ZFHX3: variants seen among roughly 807,000 people sequenced by gnomAD.
The protein encoded by ZFHX3 is zinc finger homeobox protein 3.
In ZFHX3, 42 loss-of-function variants were observed where a neutral mutation model predicts 279.1. The observed-to-expected ratio is 0.15, with a 90% CI of 0.12 to 0.19. The LOEUF is 0.19. Ranked by LOEUF, ZFHX3 falls within the 10% of genes least tolerant of loss-of-function variation. The pLI is 1.00. For missense variants in ZFHX3, 4,981 were observed against 4,754.0 expected (o/e 1.05, Z -1.40); for synonymous variants, 2,293 against 1,957.8 (o/e 1.17, Z -4.52).
At chr16:73,678,270 G>C (rs759230878) in intron 2 of ZFHX3, among the ~76,000 whole-genome samples, 1 of 152,112 alleles carries the variant, frequency 6.6e-6, no homozygotes, top group Non-Finnish European at 1.5e-5. Context: ...TCACACTGTA[G>C]AAGACCATTG....
At chr16:73,410,010 A>G (rs1022452267) in intron 3 of ZFHX3, among the ~76,000 whole-genome samples, 1 of 152,038 alleles carries the variant, frequency 6.6e-6, no homozygotes, top group African/African-American at 2.4e-5. Flanking sequence ...GCAGGTGGGA[A>G]GTGGGGATGG....
At position 73,473,365 on chromosome 16, in the gene ZFHX3, A is replaced by AC. The variant is rs1555519254; in HGVS notation, c.-1546-17108_-1546-17107insG. On this transcript the variant is annotated intron_variant, in intron 2 of 17. Coordinates refer to the ZFHX3 transcript ENST00000641206. Reference sequence around the variant, plus strand: ...AAAAAAAAAAAAAAAAAACAAAAAAAAAAAAAACAAAATAATAAGCTATGT... The same window carrying AC: ...AAAAAAAAAAAAAAAAAACAAAAAAACAAAAAAACAAAATAATAAGCTATGT... Among the ~76,000 whole-genome samples the AC allele has an allele frequency of 1.2e-3, 151 of 130,094 alleles. 3 individuals are homozygous for AC. The highest frequency in any genetic ancestry group is 1.5e-3 in the East Asian group (7 of 4,566). The allele number at this position is 130,094 out of a possible 152,430, so 85.3% of individuals were successfully genotyped here.
chr16:73,779,076 C>T (rs968551872), intron 1 of ZFHX3, among the ~76,000 whole-genome samples: 1 of 152,124 alleles, frequency 6.6e-6, no homozygotes, highest in Non-Finnish European at 1.5e-5. Context: ...AGATGGAAGC[C>T]CCACCAGATG....
At chr16:73,333,198 T>C (rs750827960) in intron 3 of ZFHX3, among the ~76,000 whole-genome samples, 1 of 152,104 alleles carries the variant, frequency 6.6e-6, no homozygotes, top group African/African-American at 2.4e-5. Context: ...CATAGATGGA[T>C]AGACACATAG....
chr16:73,166,435 C>T (rs1240155138), intron 5 of ZFHX3, among the ~76,000 whole-genome samples: 1 of 152,060 alleles, frequency 6.6e-6, no homozygotes, highest in East Asian at 1.9e-4. Context: ...TTGAACCTGG[C>T]AGGCATTTGG....
At chr16:72,896,442 A>G (rs2038901631) in intron 3 of ZFHX3, among the ~76,000 whole-genome samples, 1 of 152,132 alleles carries the variant, frequency 6.6e-6, no homozygotes, top group African/African-American at 2.4e-5. Context: ...AACCAGAGGC[A>G]CCTCGGATAA....
chr16:73,756,087 G>C (rs1437602036), intron 1 of ZFHX3, among the ~76,000 whole-genome samples: 1 of 152,188 alleles, frequency 6.6e-6, no homozygotes, highest in African/African-American at 2.4e-5. Context: ...GTAAGAGTCT[G>C]TGATGGCAGC....
chr16:73,784,718 G>A (rs1178359815), intron 1 of ZFHX3, among the ~76,000 whole-genome samples: 1 of 151,298 alleles, frequency 6.6e-6, no homozygotes, highest in Non-Finnish European at 1.5e-5. Context: ...CTGCACTCCA[G>A]CCTGGTGAAA....
At chr16:73,411,813 A>T (rs780120756) in intron 3 of ZFHX3, among the ~76,000 whole-genome samples, 2 of 151,500 alleles carry the variant, frequency 1.3e-5, no homozygotes. Context: ...CAGCATCCTT[A>T]CTCCTGTTGT....
chr16:72,950,621 C>T lies in ZFHX3; in HGVS notation c.3064G>A (p.Gly1022Ser), dbSNP rs778703804. ...TTGAGCCTCCACTCGTTGGCCTTGC[C>T]GCCCTCCTTGATGTGGGCCACCAGC... ...YQLVAHIKEG[G>S]KANEWRLKCV... is the part of the protein sequence containing the mutation. Residue 1022 changes from glycine to serine, a missense_variant, in exon 3 of 10, where the codon GGC (glycine) becomes AGC (serine). This residue lies in a region of ZFHX3 where 1,751 missense variants were observed against 1,770.0 expected (regional missense o/e 0.99). Coordinates refer to ENST00000268489, the MANE Select transcript of ZFHX3 (RefSeq NM_006885.4). 6.2e-6 allele frequency: 10 copies of T among 1,614,096 alleles called. No homozygotes were observed. The highest frequency in any genetic ancestry group is 3.3e-5 in the Admixed American group (2 of 60,014).
chr16:73,130,630 G>A (rs1966662866), intron 7 of ZFHX3, among the ~76,000 whole-genome samples: 1 of 152,156 alleles, frequency 6.6e-6, no homozygotes, highest in Non-Finnish European at 1.5e-5. Context: ...TTTTTAAGAT[G>A]GAGTCTTGCT....
chr16:73,489,158 G>A (rs915396674), intron 2 of ZFHX3, among the ~76,000 whole-genome samples: 2 of 152,126 alleles, frequency 1.3e-5, no homozygotes, highest in East Asian at 1.9e-4. Context: ...ATATTAATTA[G>A]GGAAAATGCC....
In ZFHX3 at chr16:73,003,960, C is replaced by G. The variant is rs1343338806; in HGVS notation, c.-49-43766G>C. Reference sequence around the variant, plus strand: ...GGGTATTTGCTTTTTTTTTTTTTTCCACTTAGTTCAAAAAAACAAAACAAA... The same window carrying G: ...GGGTATTTGCTTTTTTTTTTTTTTCGACTTAGTTCAAAAAAACAAAACAAA... On this transcript the variant is annotated intron_variant, in intron 1 of 9. Coordinates refer to ENST00000268489, the MANE Select transcript of ZFHX3 (RefSeq NM_006885.4). Among the ~76,000 whole-genome samples the G allele has an allele frequency of 3.5e-5, 5 of 142,012 alleles. No individual in the cohort carries two copies. The South Asian group carries it at 1.1e-3, about 32-fold the overall frequency. The allele number at this position is 142,012 out of a possible 152,430, so 93.2% of individuals were successfully genotyped here. A position where few individuals can be genotyped will look rare whatever the true frequency, so the allele number is the denominator to read the frequency against.
intron 1 of ZFHX3, among the ~76,000 whole-genome samples, chr16:73,690,636 T>C (rs557670296): frequency 1.3e-5 from 2 of 152,332 alleles, no homozygotes; most frequent in African/African-American, 4.8e-5. Flanking sequence ...GGCATGACCA[T>C]GCAACTTACT....
intron 4 of ZFHX3, among the ~76,000 whole-genome samples, chr16:73,297,558 G>T (rs963453556): frequency 6.6e-6 from 1 of 152,000 alleles, no homozygotes; most frequent in African/African-American, 2.4e-5. Flanking sequence ...AAAGGTAGAA[G>T]TAAGCCAAAT....
In ZFHX3 at chr16:73,288,697, G is replaced by A. The variant is rs546583763; in HGVS notation, c.-1194+29543C>T. ...TTGGACTGCTTCGTTTGAGGCTTCT[G>A]CAGCAGCTGCTGCCGCTCTACACAA... On this transcript the variant is annotated intron_variant, in intron 4 of 17. Coordinates refer to the ZFHX3 transcript ENST00000641206. 1.2e-4 allele frequency among the ~76,000 whole-genome samples: 18 copies of A among 151,872 alleles called. 1 individual carries two copies. Among genetic ancestry groups the A allele is most frequent in the Non-Finnish European group, 1.5e-4 (10 of 67,938 alleles).
intron 3 of ZFHX3, among the ~76,000 whole-genome samples, chr16:72,892,784 T>C (rs760237883): frequency 3.3e-5 from 5 of 152,190 alleles, no homozygotes; most frequent in African/African-American, 7.2e-5. Flanking sequence ...GCTGGGATTA[T>C]AGGCGTGAGC....
At chr16:73,743,219 C>A (rs905470517) in intron 1 of ZFHX3, among the ~76,000 whole-genome samples, 4 of 152,178 alleles carry the variant, frequency 2.6e-5, no homozygotes, top group Non-Finnish European at 4.4e-5. Context: ...CTCTTGCTTG[C>A]AAATACGACC....
At chr16:73,166,521 A>G (rs1031166236) in intron 5 of ZFHX3, among the ~76,000 whole-genome samples, 1 of 152,068 alleles carries the variant, frequency 6.6e-6, no homozygotes, top group Non-Finnish European at 1.5e-5. Flanking sequence ...AGCTCAACCA[A>G]TGGAAAGAGA....
Sources: gnomAD v4.1 joint callset for allele counts (sites outside exome capture counted in the v4.1 genomes callset) on GRCh38, gnomAD v4.1.1 for gene constraint, gnomAD v4.1.1 regional missense constraint, MANE v1.5 for transcripts, NCBI Gene and HGNC (gene_info 2026-07-23, HGNC 2026-07-21) for gene names.